Variants in MSR1 observed in about 807,000 individuals in gnomAD.
MSR1 encodes the protein macrophage scavenger receptor types I and II.
In MSR1, 53 loss-of-function variants were observed where a neutral mutation model predicts 47.2. That is an observed-to-expected ratio of 1.12 (90% CI 0.90 to 1.41). The LOEUF (loss-of-function observed/expected upper bound fraction) is 1.41. MSR1 is among the 40% of genes most tolerant of loss of function. The probability of loss-of-function intolerance (pLI) is 0.00; values close to 1 mark genes in which losing one functional copy is unlikely to be tolerated. For synonymous variants in MSR1, 239 were observed against 185.6 expected, an observed-to-expected ratio of 1.29 and a Z score of -2.34; for missense variants, 786 against 546.9, an observed-to-expected ratio of 1.44 and a Z score of -4.36.
chr8:16,182,865 T>G (rs1218400031), intron 1 of MSR1, among the ~76,000 whole-genome samples: 1 of 152,148 alleles, frequency 6.6e-6, no homozygotes, highest in Non-Finnish European at 1.5e-5. Context: ...TATAATATGG[T>G]AAATACATAA....
At chr8:16,112,694 C>A (rs571137301) in intron 9 of MSR1, among the ~76,000 whole-genome samples, 1 of 151,952 alleles carries the variant, frequency 6.6e-6, no homozygotes, top group East Asian at 1.9e-4. Flanking sequence ...AACTGTTATT[C>A]AAGGATCTTC....
chr8:16,190,727 C>T (rs114456418), intron 1 of MSR1, among the ~76,000 whole-genome samples: 18,783 of 143,516 alleles, frequency 0.13, 1,848 homozygotes, highest in African/African-American at 0.26. Flanking sequence ...TTCTTTCTTT[C>T]TTTTTGTTTT....
At chr8:16,117,364 A>G (rs1799900796) in intron 9 of MSR1, among the ~76,000 whole-genome samples, 1 of 152,162 alleles carries the variant, frequency 6.6e-6, no homozygotes, top group African/African-American at 2.4e-5. Flanking sequence ...GAGCGGCTGC[A>G]AATAAAGATT....
intron 7 of MSR1, among the ~76,000 whole-genome samples, chr8:16,146,677 G>T (rs1354875667): frequency 6.6e-6 from 1 of 152,006 alleles, no homozygotes; most frequent in African/African-American, 2.4e-5. Context: ...CTTCAGTTGG[G>T]CTACTTCTCT....
intron 5 of MSR1, among the ~76,000 whole-genome samples, chr8:16,161,103 G>A (rs1053085064): frequency 6.6e-6 from 1 of 150,996 alleles, no homozygotes; most frequent in African/African-American, 2.4e-5. Context: ...CTGAGAAGCG[G>A]ATGTAATACA....
chr8:16,170,296 C>A (rs1801444448), intron 3 of MSR1, among the ~76,000 whole-genome samples: 1 of 151,334 alleles, frequency 6.6e-6, no homozygotes, highest in Admixed American at 6.6e-5. Context: ...TGCAGTGAGC[C>A]GAGATCACGC....
intron 8 of MSR1, chr8:16,139,423 T>C: frequency 1.0e-6 from 1 of 952,694 alleles, no homozygotes; most frequent in Non-Finnish European, 1.2e-6. Context: ...ATGTTCATTA[T>C]ACAAGAGTGG....
At chr8:16,122,914 G>A (rs1171889089) in intron 8 of MSR1, among the ~76,000 whole-genome samples, 3 of 146,198 alleles carry the variant, frequency 2.1e-5, no homozygotes, top group African/African-American at 2.6e-5. Context: ...GCGCGATCTC[G>A]GCTCACTGCA....
intron 1 of MSR1, among the ~76,000 whole-genome samples, chr8:16,186,591 G>C (rs1295242380): frequency 6.6e-6 from 1 of 151,046 alleles, no homozygotes; most frequent in African/African-American, 2.4e-5. Context: ...TCACTTCCTT[G>C]CTAGCATCCT....
intron 1 of MSR1, chr8:16,186,104 A>C: frequency 7.2e-7 from 1 of 1,391,310 alleles, no homozygotes; most frequent in Non-Finnish European, 9.8e-7. Context: ...TGGCAGTAAT[A>C]AATGTATAAA....
At chr8:16,142,019 G>A (rs543371162) in intron 8 of MSR1, among the ~76,000 whole-genome samples, 2 of 152,126 alleles carry the variant, frequency 1.3e-5, no homozygotes, top group African/African-American at 4.8e-5. Flanking sequence ...AAAGAAAGAA[G>A]TAAGTCGAGT....
At chr8:16,175,517 C>T (rs1479872203) in intron 2 of MSR1, among the ~76,000 whole-genome samples, 1 of 152,194 alleles carries the variant, frequency 6.6e-6, no homozygotes, top group East Asian at 1.9e-4. Flanking sequence ...TATCCACTCA[C>T]TAAACATCTA....
At chr8:16,190,679 T>G (rs1413054330) in intron 1 of MSR1, among the ~76,000 whole-genome samples, 1 of 151,988 alleles carries the variant, frequency 6.6e-6, no homozygotes, top group Non-Finnish European at 1.5e-5. Flanking sequence ...TTCCTAAGAT[T>G]TTTCCCTATT....
intron 9 of MSR1, among the ~76,000 whole-genome samples, chr8:16,114,925 C>G (rs1445968103): frequency 2.6e-5 from 4 of 152,126 alleles, no homozygotes; most frequent in Non-Finnish European, 5.9e-5. Context: ...TGCCTGTAAT[C>G]CCAGCACTTT....
chr8:16,131,722 C>A (rs1800264619), intron 8 of MSR1, among the ~76,000 whole-genome samples: 3 of 151,848 alleles, frequency 2.0e-5, no homozygotes, highest in South Asian at 4.2e-4. Context: ...ATCCCAGCAC[C>A]ATTTATTGAA....
rs887918466 is a variant in MSR1 at position 16,120,148 on chromosome 8, C to A, written c.1222+270G>T. Among the ~76,000 whole-genome samples, 4 of 151,816 alleles carry A rather than the reference C, an allele frequency of 2.6e-5. No homozygotes were observed. The South Asian group carries it at 6.2e-4, about 24-fold the overall frequency. On this transcript the variant is annotated intron_variant, in intron 9 of 9. Coordinates refer to ENST00000262101, the MANE Select transcript of MSR1 (RefSeq NM_138715.3). ...ATCCCAGCACTTTAGGTTGGCGAGG[C>A]GGGCAGATCACGAGGTCAGGAGATC...
chr8:16,132,819 G>T (rs746000899), intron 8 of MSR1, among the ~76,000 whole-genome samples: 1 of 148,124 alleles, frequency 6.8e-6, no homozygotes, highest in Non-Finnish European at 1.5e-5. Context: ...CTGAACAGGA[G>T]TAGTGGAGAG....
intron 7 of MSR1, 98 bp from the exon 8 acceptor site, chr8:16,143,709 A>AGAAT: frequency 1.3e-6 from 1 of 775,682 alleles, no homozygotes; most frequent in Non-Finnish European, 2.1e-6. Context: ...AAAATATAAT[A>AGAAT]GAATGGACAG....
chr8:16,168,805 G>C lies in MSR1; in HGVS notation c.283C>G (p.Gln95Glu), dbSNP rs779604372. ...VSSTNANDITQSLTGKGNDSE... is the reference protein window; with the variant it reads ...VSSTNANDITESLTGKGNDSE... ...TCATTTCCTTTTCCCGTGAGACTTT[G>C]AGTTATATCATTTGCATTAGTTGAA... The change falls in exon 4 of 10, where the codon CAA (glutamine) becomes GAA (glutamate). Residue 95 changes from glutamine to glutamate, a missense_variant. Gln to Glu is a conservative substitution (Grantham distance 29). Coordinates refer to ENST00000262101, the MANE Select transcript of MSR1 (RefSeq NM_138715.3). 2 of 1,613,950 alleles carry C rather than the reference G, an allele frequency of 1.2e-6. No individual in the cohort carries two copies. Among genetic ancestry groups the C allele is most frequent in the Non-Finnish European group, 1.7e-6 (2 of 1,179,988 alleles).
Sources: allele counts gnomAD v4.1 joint callset (sites outside exome capture counted in the v4.1 genomes callset), GRCh38; gene constraint gnomAD v4.1.1; transcripts MANE v1.5; gene names NCBI Gene and HGNC (gene_info 2026-07-23, HGNC 2026-07-21).